SLC6A2: variants seen among roughly 807,000 people sequenced by gnomAD.
SLC6A2 encodes sodium-dependent noradrenaline transporter.
A neutral mutation model predicts 71.7 loss-of-function variants in SLC6A2; 26 were observed. The observed-to-expected ratio is 0.36, with a 90% CI of 0.27 to 0.50. The LOEUF (loss-of-function observed/expected upper bound fraction) is 0.50, where lower values mean the gene tolerates loss of function less well. SLC6A2 is among the 20% of genes least tolerant of loss of function. The pLI is 0.96. For synonymous variants in SLC6A2, 363 were observed against 337.9 expected (o/e 1.07, Z -0.82); for missense variants, 581 against 803.9 (o/e 0.72, Z 3.35).
intron 4 of SLC6A2, among the ~76,000 whole-genome samples, chr16:55,674,348 C>A (rs937996311): frequency 1.3e-5 from 2 of 152,112 alleles, no homozygotes; most frequent in African/African-American, 4.8e-5. Flanking sequence ...ACATCCATGT[C>A]CCTGCAAAGG....
chr16:55,680,897 G>A (rs571589831), intron 4 of SLC6A2, among the ~76,000 whole-genome samples: 1 of 152,156 alleles, frequency 6.6e-6, no homozygotes, highest in South Asian at 2.1e-4. Flanking sequence ...TGCAGGGATG[G>A]GAGCCATTCT....
chr16:55,669,107 A>C (rs1284195636), intron 2 of SLC6A2, among the ~76,000 whole-genome samples: 1 of 152,256 alleles, frequency 6.6e-6, no homozygotes, highest in East Asian at 1.9e-4. Flanking sequence ...CCGTCATGTA[A>C]ATTTAGGCAC....
Position 55,700,159 on chromosome 16 carries a change from C to T in SLC6A2, c.1611C>T (p.Ile537=). The T allele has an allele frequency of 1.2e-6, 2 of 1,614,092 alleles. No individual in the cohort carries two copies. Among genetic ancestry groups the T allele is most frequent in the Non-Finnish European group, 1.7e-6 (2 of 1,179,996 alleles). ...TCTAGTTCGTGGTTGTGGTCAGCAT[C>T]ATCAACTTCAAGCCACTCACCTACG... ...AFLLFVVVVS[I]INFKPLTYDD... is the part of the protein sequence containing the mutation. The change falls in exon 13 of 15, where the codon ATC becomes ATT. Residue 537 remains isoleucine (I), a synonymous_variant. Transcript: ENST00000568943.
In SLC6A2 at chr16:55,700,055, C is replaced by T; in HGVS notation, c.1591-84C>T. 2 of 1,197,774 alleles carry T rather than the reference C, an allele frequency of 1.7e-6. 1 individual carries two copies. Among genetic ancestry groups the T allele is most frequent in the Admixed American group, 3.6e-5 (2 of 55,778 alleles). 74.2% of individuals were successfully genotyped at this position (1,197,774 alleles called of 1,614,324 possible). On this transcript the variant is annotated intron_variant, in intron 12 of 14. Transcript: ENST00000568943. ...TCACTTCTCTTCATTTCTCTCCCAC[C>T]TTTCTTCCACCTCCTTCTCTCTTTC...
chr16:55,667,581 C>A (rs1964789421), intron 2 of SLC6A2, among the ~76,000 whole-genome samples: 1 of 152,126 alleles, frequency 6.6e-6, no homozygotes, highest in South Asian at 2.1e-4. Flanking sequence ...GGTCAGGTGG[C>A]AAACCAGCCC....
In SLC6A2 at chr16:55,698,481, G is replaced by A. The variant is rs201885636; in HGVS notation, c.1402G>A (p.Val468Ile). 335 of 1,613,754 alleles carry A rather than the reference G, an allele frequency of 2.1e-4. 5 individuals are homozygous for A. In the East Asian group the frequency reaches 6.1e-3, roughly 30 times the overall value. Residue 468 changes from valine to isoleucine, a missense_variant, in exon 11 of 15, where the codon GTC (valine) becomes ATC (isoleucine). Physicochemically the swap from Val to Ile is conservative, Grantham distance 29. This residue lies in a region of SLC6A2 where 334 missense variants were observed against 449.0 expected (regional missense o/e 0.74). Coordinates refer to ENST00000568943, the MANE Select transcript of SLC6A2 (RefSeq NM_001172501.3). ...LFCITKGGIY[V>I]LTLLDTFAAG... ...CTCCCTGTGCCAGGGTGGAATTTAC[G>A]TCTTGACCCTCCTGGACACCTTTGC...
In SLC6A2 at chr16:55,684,994, AT is replaced by A; in HGVS notation, c.645-148del. The A allele has an allele frequency of 6.6e-6, 5 of 752,242 alleles. No homozygotes were observed. In the Admixed American group the frequency reaches 1.0e-4, roughly 15 times the overall value. The allele number at this position is 752,242 out of a possible 1,614,324, so 46.6% of individuals were successfully genotyped here. On this transcript the variant is annotated intron_variant, in intron 4 of 14. Coordinates refer to ENST00000568943, the MANE Select transcript of SLC6A2 (RefSeq NM_001172501.3). ...TGATCAGGTCAGGCCCATGTGGTGC[AT>A]GGCAGTGGCTAGGGTCCCTGAGTTA... is the stretch of plus-strand genomic sequence containing the variant.
chr16:55,669,257 C>T (rs1964837102), intron 2 of SLC6A2, among the ~76,000 whole-genome samples: 1 of 152,254 alleles, frequency 6.6e-6, no homozygotes, highest in African/African-American at 2.4e-5. Flanking sequence ...CTGTGATCCC[C>T]CTCCTGGCAC....
At chr16:55,677,381 C>G (rs1052220049) in intron 4 of SLC6A2, among the ~76,000 whole-genome samples, 1 of 152,152 alleles carries the variant, frequency 6.6e-6, no homozygotes, top group Non-Finnish European at 1.5e-5. Context: ...TCTCGGCAAC[C>G]CTTGTTTTAC....
rs532615107 is a variant in SLC6A2, at chr16:55,703,966, C to T, written c.*1620C>T. On this transcript the variant is annotated 3_prime_UTR_variant, in exon 15 of 15. Coordinates refer to ENST00000568943, the MANE Select transcript of SLC6A2 (RefSeq NM_001172501.3). ...AGATAAAAGAGGGAAAATCAGGAGA[C>T]TTTGAATCTTTCTGTATAAAAAGGT... Among the ~76,000 whole-genome samples the T allele has an allele frequency of 1.3e-5, 2 of 152,104 alleles. No homozygotes were observed. Among genetic ancestry groups the T allele is most frequent in the South Asian group, 4.1e-4 (2 of 4,822 alleles).
intron 5 of SLC6A2, among the ~76,000 whole-genome samples, chr16:55,686,634 C>G (rs1017772878): frequency 6.6e-6 from 1 of 152,140 alleles, no homozygotes; most frequent in African/African-American, 2.4e-5. Context: ...CTCTGATACT[C>G]TTAGAGTTCT....
At chr16:55,682,288 C>T (rs1965298010) in intron 4 of SLC6A2, among the ~76,000 whole-genome samples, 2 of 152,182 alleles carry the variant, frequency 1.3e-5, no homozygotes, top group East Asian at 1.9e-4. Context: ...GGGAAGTTTC[C>T]GTATGGGAAA....
In SLC6A2 at chr16:55,666,394, T is replaced by C. The variant is rs558415705; in HGVS notation, c.275-3171T>C. Among the ~76,000 whole-genome samples the C allele has an allele frequency of 2.6e-5, 4 of 152,238 alleles. No individual in the cohort carries two copies. In the South Asian group the frequency reaches 6.2e-4, roughly 24 times the overall value. The stretch of plus-strand genomic sequence containing the variant: ...TGACTTCACTCATCCCTGGAGCTCC[T>C]TCCTGACTCTTCAACCTGAAGAGTT... On this transcript the variant is annotated intron_variant, in intron 2 of 14. Coordinates refer to ENST00000568943, the MANE Select transcript of SLC6A2 (RefSeq NM_001172501.3).
At chr16:55,695,684 C>A (rs1316532395) in intron 8 of SLC6A2, among the ~76,000 whole-genome samples, 2 of 152,222 alleles carry the variant, frequency 1.3e-5, no homozygotes, top group African/African-American at 4.8e-5. Flanking sequence ...ACTTGACATA[C>A]CTCCACTTAG....
At chr16:55,674,098 C>A (rs997595181) in intron 4 of SLC6A2, among the ~76,000 whole-genome samples, 4 of 152,044 alleles carry the variant, frequency 2.6e-5, no homozygotes, top group Non-Finnish European at 5.9e-5. Flanking sequence ...TTGCATGATG[C>A]TGAGGTTTGG....
chr16:55,698,399 G>A, intron 10 of SLC6A2, 70 bp from the exon 11 acceptor site: 1 of 1,107,064 alleles, frequency 9.0e-7, no homozygotes. Flanking sequence ...GGTAAGAGTT[G>A]ACAGACACAA....
At chr16:55,697,171 C>T (rs1473373412) in intron 9 of SLC6A2, among the ~76,000 whole-genome samples, 4 of 152,192 alleles carry the variant, frequency 2.6e-5, no homozygotes, top group Admixed American at 6.5e-5. Flanking sequence ...TGGTTTTCCT[C>T]CCACTGCCTT....
intron 5 of SLC6A2, among the ~76,000 whole-genome samples, chr16:55,690,705 G>C (rs540287509): frequency 1.3e-5 from 2 of 152,172 alleles, no homozygotes; most frequent in East Asian, 3.9e-4. Context: ...TTTATCATCT[G>C]GGGAGCTTTA....
intron 5 of SLC6A2, among the ~76,000 whole-genome samples, chr16:55,686,608 G>A (rs752475094): frequency 1.3e-5 from 2 of 152,070 alleles, no homozygotes; most frequent in Non-Finnish European, 2.9e-5. Context: ...GGAAAGGGGG[G>A]GTGCACCAGA....
Sources: gnomAD v4.1 joint callset for allele counts (sites outside exome capture counted in the v4.1 genomes callset) on GRCh38, gnomAD v4.1.1 for gene constraint, gnomAD v4.1.1 regional missense constraint, MANE v1.5 for transcripts, NCBI Gene and HGNC (gene_info 2026-07-23, HGNC 2026-07-21) for gene names.